LAMB1: variants seen among roughly 807,000 people sequenced by gnomAD.
The protein encoded by LAMB1 is laminin subunit beta-1.
LAMB1 carries 121 observed loss-of-function variants against 222.3 expected under a neutral mutation model. The observed-to-expected ratio is 0.54, with a 90% CI of 0.47 to 0.63. The LOEUF (loss-of-function observed/expected upper bound fraction) is 0.63. Ranked by LOEUF, LAMB1 falls within the 30% of genes least tolerant of loss-of-function variation. The pLI, the probability that LAMB1 is intolerant of heterozygous loss-of-function variation, is 0.00. For missense variants in LAMB1, 2,172 were observed against 2,240.8 expected, an observed-to-expected ratio of 0.97 and a Z score of 0.62; for synonymous variants, 794 against 807.2, an observed-to-expected ratio of 0.98 and a Z score of 0.28.
At position 107,998,124 on chromosome 7, in the gene LAMB1, G is replaced by A. The variant is rs942124173; in HGVS notation, c.349+233C>T. ...AAAAGCCCCTCAGAATAAGGACTAT[G>A]AAATGCTCCTTTGGTCTAGCATGAC... On this transcript the variant is annotated intron_variant, in intron 4 of 33. Transcript: ENST00000222399. 3.9e-5 allele frequency among the ~76,000 whole-genome samples: 6 copies of A among 152,168 alleles called. 1 individual carries two copies. The South Asian group carries it at 8.3e-4, about 21-fold the overall frequency.
At position 107,975,287 on chromosome 7, in the gene LAMB1, A is replaced by T. The variant is rs367915864; in HGVS notation, c.1316T>A (p.Val439Asp). The change falls in exon 11 of 34, where the codon GTT becomes GAT. Residue 439 changes from valine to aspartate, a missense_variant. Transcript: ENST00000222399. Reference protein sequence around the residue: ...KLNVEGEHCDVCKEGFYDLSS... With the variant: ...KLNVEGEHCDDCKEGFYDLSS... ...TAAATCATAGAAGCCTTCTTTGCAAACATCACAATGTTCTCCTTCCACATT... is the reference window on the plus strand; with the variant it reads ...TAAATCATAGAAGCCTTCTTTGCAATCATCACAATGTTCTCCTTCCACATT... The T allele has an allele frequency of 4.3e-6, 7 of 1,613,992 alleles. No homozygotes were observed. Among genetic ancestry groups the T allele is most frequent in the African/African-American group, 2.7e-5 (2 of 74,924 alleles).
At chr7:107,951,166 G>T in intron 24 of LAMB1, 60 bp downstream of exon 24, 1 of 1,264,560 alleles carries the variant, frequency 7.9e-7, no homozygotes, top group Non-Finnish European at 1.2e-6. Flanking sequence ...GAAGGCTCTT[G>T]TAGAACCCCA....
rs190017087 is a variant in LAMB1 at position 107,926,300 on chromosome 7, G to A, written c.4947C>T (p.Ser1649=). The change falls in exon 32 of 34, where the codon AGC becomes AGT. Residue 1649 remains serine, a synonymous_variant. Transcript: ENST00000222399. The part of the protein sequence containing the change: ...ETLFNASQRI[S]ELERNVEELK... Reference sequence around the variant, plus strand: ...GTTCTTCCACATTCCTCTCTAACTCGCTGATGCGCTGGGACGCGTTGAACA... The same window carrying A: ...GTTCTTCCACATTCCTCTCTAACTCACTGATGCGCTGGGACGCGTTGAACA... The A allele has an allele frequency of 2.1e-4, 334 of 1,613,804 alleles. No individual in the cohort carries two copies. The highest frequency in any genetic ancestry group is 1.6e-3 in the Middle Eastern group (10 of 6,062).
At chr7:107,970,680 A>T (rs949121270) in intron 13 of LAMB1, among the ~76,000 whole-genome samples, 2 of 152,124 alleles carry the variant, frequency 1.3e-5, no homozygotes, top group African/African-American at 2.4e-5. Flanking sequence ...CTACTAGGCA[A>T]AACTTCATTA....
chr7:107,938,908 C>CAA (rs2032912868), intron 25 of LAMB1, among the ~76,000 whole-genome samples: 1 of 152,202 alleles, frequency 6.6e-6, no homozygotes, highest in African/African-American at 2.4e-5. Context: ...GGACCTCCTT[C>CAA]AAGTCGCTTG....
At chr7:107,998,570 C>A (rs764089703) in intron 3 of LAMB1, 78 bp from the exon 4 acceptor site, 142 of 1,277,644 alleles carry the variant, frequency 1.1e-4, no homozygotes, top group Non-Finnish European at 1.3e-4. Flanking sequence ...CCCCATGAAG[C>A]TCCTAATACA....
intron 5 of LAMB1, among the ~76,000 whole-genome samples, chr7:107,988,172 T>G (rs893337756): frequency 1.3e-5 from 2 of 152,162 alleles, no homozygotes; most frequent in African/African-American, 2.4e-5. Flanking sequence ...TCAATTAGAT[T>G]GTAGTGGAAA....
intron 9 of LAMB1, 21 bp from the exon 10 acceptor site, chr7:107,975,898 C>A: frequency 1.2e-6 from 2 of 1,606,716 alleles, no homozygotes; most frequent in Non-Finnish European, 1.7e-6. Flanking sequence ...AGAGCAACGT[C>A]AAGAAAAGCT....
intron 24 of LAMB1, among the ~76,000 whole-genome samples, chr7:107,945,622 C>T (rs543800968): frequency 6.6e-6 from 1 of 152,376 alleles, no homozygotes; most frequent in Admixed American, 6.5e-5. Context: ...AGCTGGGACA[C>T]AGGGCCACAT....
chr7:107,960,405 C>G, intron 18 of LAMB1, 40 bp downstream of exon 18: 2 of 1,519,568 alleles, frequency 1.3e-6, no homozygotes, highest in Non-Finnish European at 1.8e-6. Flanking sequence ...ATACTCAGAG[C>G]CAGAAACAGC....
chr7:108,000,208 A>G lies in LAMB1; in HGVS notation c.213+1350T>C, dbSNP rs2034356720. Among the ~76,000 whole-genome samples the G allele has an allele frequency of 2.0e-5, 3 of 152,096 alleles. 1 individual carries two copies. The South Asian group carries it at 6.2e-4, about 32-fold the overall frequency. On this transcript the variant is annotated intron_variant, in intron 3 of 33. Transcript: ENST00000222399. ...ACAATCACCAGAACTCAAAAAAAAA[A>G]AAAGTTTAAAAAAGTTTAATTACAG... is the stretch of plus-strand genomic sequence containing the variant.
chr7:108,003,109 A>G lies in LAMB1; in HGVS notation c.-87+2T>C, dbSNP rs1261620887. ...ATCGTGCAGCCACTTTGTTCTCCTC[A>G]CCCGGCGACGCGAGCTCTCGCCCTG... is the stretch of plus-strand genomic sequence containing the variant. On this transcript the variant is annotated splice_donor_variant, in intron 1 of 33. Transcript: ENST00000222399. LOFTEE classifies it low-confidence loss of function (5UTR_SPLICE). 2.1e-6 allele frequency: 2 copies of G among 949,734 alleles called. No homozygotes were observed. The highest frequency in any genetic ancestry group is 3.0e-6 in the Non-Finnish European group (2 of 673,344). 58.8% of individuals were successfully genotyped at this position (949,734 alleles called of 1,614,324 possible). A position where few individuals can be genotyped will look rare whatever the true frequency, so the allele number is the denominator to read the frequency against.
At chr7:107,976,289 T>C (rs1584523160) in intron 9 of LAMB1, among the ~76,000 whole-genome samples, 3 of 152,276 alleles carry the variant, frequency 2.0e-5, no homozygotes, top group African/African-American at 7.2e-5. Context: ...TAGGAAAGCC[T>C]GTCCACGGGC....
At chr7:107,931,207 G>C in intron 29 of LAMB1, 149 bp downstream of exon 29, 1 of 673,022 alleles carries the variant, frequency 1.5e-6, no homozygotes, top group Non-Finnish European at 2.5e-6. Flanking sequence ...ACATATATAA[G>C]TTTAAGAAGT....
At chr7:107,949,385 C>T (rs2033193096) in intron 24 of LAMB1, among the ~76,000 whole-genome samples, 1 of 152,184 alleles carries the variant, frequency 6.6e-6, no homozygotes, top group South Asian at 2.1e-4. Flanking sequence ...TTGCCAATGA[C>T]ACATGCTGAC....
chr7:107,985,003 G>T (rs1177468288), intron 7 of LAMB1, among the ~76,000 whole-genome samples: 3 of 152,126 alleles, frequency 2.0e-5, no homozygotes, highest in African/African-American at 7.2e-5. Flanking sequence ...AAGAGAGAAA[G>T]AAACTTTCAC....
intron 26 of LAMB1, among the ~76,000 whole-genome samples, chr7:107,936,756 T>C (rs2032857069): frequency 6.6e-6 from 1 of 151,910 alleles, no homozygotes; most frequent in South Asian, 2.1e-4. Context: ...GAAGTATTAA[T>C]ACCTTAACTA....
intron 24 of LAMB1, among the ~76,000 whole-genome samples, chr7:107,941,304 G>C (rs2032975630): frequency 6.6e-6 from 1 of 152,300 alleles, no homozygotes; most frequent in Non-Finnish European, 1.5e-5. Context: ...TCTGACATTT[G>C]AAAGTATTTA....
chr7:107,954,722 C>T (rs1170839858), intron 21 of LAMB1, among the ~76,000 whole-genome samples: 1 of 152,066 alleles, frequency 6.6e-6, no homozygotes, highest in Non-Finnish European at 1.5e-5. Context: ...ACCTGGGAGG[C>T]GGAGCTTGCA....
Sources: allele counts gnomAD v4.1 joint callset (sites outside exome capture counted in the v4.1 genomes callset), GRCh38; gene constraint gnomAD v4.1.1; transcripts MANE v1.5; gene names NCBI Gene and HGNC (gene_info 2026-07-23, HGNC 2026-07-21).